Variants in ARL3 observed in about 807,000 individuals in gnomAD.
ARL3 encodes the protein ARF like GTPase 3.
ARL3 carries 9 observed loss-of-function variants against 26.0 expected under a neutral mutation model. The observed-to-expected ratio is 0.35, with a 90% CI of 0.21 to 0.60. The LOEUF (loss-of-function observed/expected upper bound fraction) is 0.60, where lower values mean the gene tolerates loss of function less well. Among genes scored for constraint, ARL3 ranks in the 20% least tolerant of loss-of-function variants. The probability of loss-of-function intolerance (pLI) is 0.78; values close to 1 mark genes in which losing one functional copy is unlikely to be tolerated. For missense variants in ARL3, 158 were observed against 215.7 expected, an observed-to-expected ratio of 0.73 and a Z score of 1.67; for synonymous variants, 71 against 78.4, an observed-to-expected ratio of 0.91 and a Z score of 0.50.
At chr10:102,689,755 G>C (rs1208676504) in intron 4 of ARL3, 138 bp downstream of exon 4, 3 of 402,326 alleles carry the variant, frequency 7.5e-6, no homozygotes, top group Non-Finnish European at 1.4e-5. Flanking sequence ...TTGAACCTGG[G>C]AGGCGGAGGT....
chr10:102,697,408 ACCT>A (rs1472965640), intron 3 of ARL3, among the ~76,000 whole-genome samples: 1 of 152,052 alleles, frequency 6.6e-6, no homozygotes, highest in Admixed American at 6.6e-5. Flanking sequence ...TGAATTCCTG[ACCT>A]CGTGATCCAC....
At position 102,689,947 on chromosome 10, in the gene ARL3, T is replaced by C. The variant is rs773779078; in HGVS notation, c.265-4A>G. The C allele has an allele frequency of 1.3e-6, 2 of 1,583,122 alleles. No homozygotes were observed. The highest frequency in any genetic ancestry group is 1.1e-5 in the South Asian group (1 of 87,206). On this transcript the variant is annotated splice_polypyrimidine_tract_variant and splice_region_variant and intron_variant, in intron 3 of 5. Transcript: ENST00000260746. ...CTGCACTGTCGATTACATATATCTA[T>C]AAAGGAAAAGAAGAAGGTTATTTCA...
At position 102,676,538 on chromosome 10, in the gene ARL3, C is replaced by CTT. The variant is rs1164760163; in HGVS notation, c.*354_*355dup. 16 of 150,802 alleles carry CTT rather than the reference C, an allele frequency of 1.1e-4. No homozygotes were observed. In the South Asian group the frequency reaches 1.2e-3, roughly 11 times the overall value. The allele number at this position is 150,802 out of a possible 1,614,324, so 9.3% of individuals were successfully genotyped here. A position where few individuals can be genotyped will look rare whatever the true frequency, so the allele number is the denominator to read the frequency against. Reference sequence around the variant, plus strand: ...GCTGCTTCTTCCTCTTTTTCTTTTTCTTTTTTTTTTTTTGAGAGGAAAAAA... The same window carrying CTT: ...GCTGCTTCTTCCTCTTTTTCTTTTTCTTTTTTTTTTTTTTTGAGAGGAAAAAA... On this transcript the variant is annotated 3_prime_UTR_variant, in exon 6 of 6. Transcript: ENST00000260746.
At chr10:102,686,120 G>A (rs2064183898) in intron 4 of ARL3, 119 bp from the exon 5 acceptor site, 1 of 823,216 alleles carries the variant, frequency 1.2e-6, no homozygotes, top group Non-Finnish European at 1.8e-6. Context: ...CACCCAGGCT[G>A]GAGTGCAATG....
intron 3 of ARL3, among the ~76,000 whole-genome samples, chr10:102,693,697 T>TA (rs2064232052): frequency 6.6e-6 from 1 of 152,076 alleles, no homozygotes; most frequent in South Asian, 2.1e-4. Context: ...TTTTTTGAGA[T>TA]AGAGTCTCAC....
intron 1 of ARL3, among the ~76,000 whole-genome samples, chr10:102,705,753 T>C (rs553694059): frequency 3.4e-4 from 51 of 152,208 alleles, no homozygotes; most frequent in Admixed American, 7.2e-4. Context: ...CCAAATCTCC[T>C]GGGAGTGTGA....
chr10:102,711,764 GA>G (rs542396536), intron 1 of ARL3, among the ~76,000 whole-genome samples: 35 of 143,944 alleles, frequency 2.4e-4, no homozygotes, highest in African/African-American at 7.1e-4. Flanking sequence ...CTCAAAAAAA[GA>G]AAAAAAAAAG....
At chr10:102,695,960 C>T (rs756492104) in intron 3 of ARL3, among the ~76,000 whole-genome samples, 4 of 151,600 alleles carry the variant, frequency 2.6e-5, no homozygotes, top group Non-Finnish European at 5.9e-5. Context: ...CCACCATGCC[C>T]GGCCTTATTT....
chr10:102,690,989 G>C (rs1214018661), intron 3 of ARL3, among the ~76,000 whole-genome samples: 2 of 149,128 alleles, frequency 1.3e-5, no homozygotes, highest in African/African-American at 5.0e-5. Context: ...CTGAGTAGTT[G>C]AGATTACAGG....
chr10:102,692,896 C>T (rs571032845), intron 3 of ARL3, among the ~76,000 whole-genome samples: 1 of 152,232 alleles, frequency 6.6e-6, no homozygotes, highest in African/African-American at 2.4e-5. Context: ...CAGGGTTTCA[C>T]CGTGTTAGCC....
intron 4 of ARL3, among the ~76,000 whole-genome samples, chr10:102,688,640 T>C (rs2064200373): frequency 6.6e-6 from 1 of 151,798 alleles, no homozygotes; most frequent in Non-Finnish European, 1.5e-5. Context: ...GCTGGGACTG[T>C]ACAGGCACGT....
At chr10:102,711,344 A>G (rs1305203673) in intron 1 of ARL3, among the ~76,000 whole-genome samples, 5 of 151,118 alleles carry the variant, frequency 3.3e-5, no homozygotes, top group African/African-American at 7.3e-5. Flanking sequence ...GTGTATATAT[A>G]TATATATATG....
intron 4 of ARL3, among the ~76,000 whole-genome samples, chr10:102,687,603 G>C (rs1262634697): frequency 1.3e-5 from 2 of 151,980 alleles, no homozygotes; most frequent in Non-Finnish European, 2.9e-5. Flanking sequence ...CAGGAGAATT[G>C]CTTGAACCCA....
intron 4 of ARL3, among the ~76,000 whole-genome samples, chr10:102,689,159 C>T (rs1263312459): frequency 3.3e-5 from 5 of 151,850 alleles, no homozygotes; most frequent in African/African-American, 9.7e-5. Flanking sequence ...CCTGTCTCTA[C>T]TAAAAATACA....
At chr10:102,679,410 G>T (rs993219374) in intron 5 of ARL3, among the ~76,000 whole-genome samples, 1 of 152,192 alleles carries the variant, frequency 6.6e-6, no homozygotes, top group Non-Finnish European at 1.5e-5. Flanking sequence ...GTCAATCCTT[G>T]TAGAAGCCTG....
intron 5 of ARL3, 53 bp downstream of exon 5, chr10:102,685,763 C>T: frequency 6.5e-7 from 1 of 1,526,870 alleles, no homozygotes; most frequent in Non-Finnish European, 8.8e-7. Context: ...TGAGACAGAC[C>T]ACCTCGGTTA....
At position 102,677,770 on chromosome 10, in the gene ARL3, G is replaced by C. The variant is rs570967352; in HGVS notation, c.502-829C>G. ...TCTCCCCAACCTTCAAGAGTGTGTGGAGTTCCCTCAGAAGCCCTGAACAAA... is the reference window on the plus strand; with the variant it reads ...TCTCCCCAACCTTCAAGAGTGTGTGCAGTTCCCTCAGAAGCCCTGAACAAA... On this transcript the variant is annotated intron_variant, in intron 5 of 5. Coordinates refer to ENST00000260746, the MANE Select transcript of ARL3 (RefSeq NM_004311.4). Among the ~76,000 whole-genome samples, 5 of 152,152 alleles carry C rather than the reference G, an allele frequency of 3.3e-5. 1 individual carries two copies. The East Asian group carries it at 7.7e-4, about 24-fold the overall frequency.
At chr10:102,683,457 T>TA (rs1219050885) in intron 5 of ARL3, among the ~76,000 whole-genome samples, 1 of 152,236 alleles carries the variant, frequency 6.6e-6, no homozygotes, top group East Asian at 1.9e-4. Flanking sequence ...TCTACTAAAC[T>TA]AATTAAGTGA....
intron 5 of ARL3, among the ~76,000 whole-genome samples, chr10:102,683,674 T>C (rs2064167346): frequency 6.6e-6 from 1 of 152,100 alleles, no homozygotes; most frequent in Admixed American, 6.6e-5. Flanking sequence ...CCCCTGCCTG[T>C]CCCCAACCCC....
Sources: allele counts gnomAD v4.1 joint callset (sites outside exome capture counted in the v4.1 genomes callset), GRCh38; gene constraint gnomAD v4.1.1; transcripts MANE v1.5; gene names NCBI Gene and HGNC (gene_info 2026-07-23, HGNC 2026-07-21).